HNRNPL: variants seen among roughly 807,000 people sequenced by gnomAD.
The protein encoded by HNRNPL is epididymis secretory sperm binding protein.
In HNRNPL, 12 loss-of-function variants were observed where a neutral mutation model predicts 64.0. The ratio of observed to expected loss-of-function variants is 0.19; its 90% CI spans 0.12 to 0.30. The LOEUF (loss-of-function observed/expected upper bound fraction) is 0.30, where lower values mean the gene tolerates loss of function less well. Ranked by LOEUF, HNRNPL falls within the 10% of genes least tolerant of loss-of-function variation. The pLI is 1.00. For missense variants in HNRNPL, 484 were observed against 797.4 expected, an observed-to-expected ratio of 0.61 and a Z score of 4.73; for synonymous variants, 385 against 313.0, an observed-to-expected ratio of 1.23 and a Z score of -2.43.
intron 1 of HNRNPL, 200 bp downstream of exon 1, chr19:38,849,500 T>C: frequency 1.5e-6 from 1 of 678,562 alleles, no homozygotes; most frequent in Non-Finnish European, 2.1e-6. Context: ...CACACCCCGC[T>C]CCGGACCCCG....
chr19:38,849,506 C>A, intron 1 of HNRNPL, 194 bp downstream of exon 1: 1 of 738,894 alleles, frequency 1.4e-6, no homozygotes, highest in Admixed American at 4.4e-5. Flanking sequence ...CCGCTCCGGA[C>A]CCCGCGCACG....
upstream of HNRNPL, chr19:38,850,281 G>C: frequency 6.4e-6 from 2 of 312,790 alleles, no homozygotes; most frequent in Non-Finnish European, 5.8e-6. Flanking sequence ...GATAGGAACG[G>C]CGCTCTAAAC....
intron 1 of HNRNPL, among the ~76,000 whole-genome samples, chr19:38,847,861 G>A (rs1057042854): frequency 7.2e-5 from 11 of 152,148 alleles, no homozygotes; most frequent in African/African-American, 2.7e-4. Context: ...CCCTTTGCAT[G>A]TGCCCCAAAT....
intron 6 of HNRNPL, among the ~76,000 whole-genome samples, chr19:38,842,590 G>A (rs1972152711): frequency 6.6e-6 from 1 of 152,068 alleles, no homozygotes; most frequent in African/African-American, 2.4e-5. Flanking sequence ...GGGACGTGGT[G>A]GAGGCTGCAT....
rs775388531 is a variant in HNRNPL, at chr19:38,849,829, G to A, written c.138C>T (p.Arg46=). 8.1e-7 allele frequency: 1 copy of A among 1,241,640 alleles called. No homozygotes were observed. The allele number at this position is 1,241,640 out of a possible 1,614,324, so 76.9% of individuals were successfully genotyped here. ...AAAGGGGGGG[R]YYGGGSEGGR... Reference sequence around the variant, plus strand: ...CGCCCTCACTGCCGCCGCCGTAGTAGCGGCCACCGCCGCCTCCGCCGCCCG... The same window carrying A: ...CGCCCTCACTGCCGCCGCCGTAGTAACGGCCACCGCCGCCTCCGCCGCCCG... The change falls in exon 1 of 13, where the codon CGC becomes CGT. Residue 46 remains arginine (R), a synonymous_variant. Transcript: ENST00000221419.
In HNRNPL at chr19:38,849,738, C is replaced by A; in HGVS notation, c.229G>T (p.Gly77Cys). 7.2e-7 allele frequency: 1 copy of A among 1,391,986 alleles called. No individual in the cohort carries two copies. The highest frequency in any genetic ancestry group is 3.2e-5 in the Admixed American group (1 of 31,078). The allele number at this position is 1,391,986 out of a possible 1,614,324, so 86.2% of individuals were successfully genotyped here. A position where few individuals can be genotyped will look rare whatever the true frequency, so the allele number is the denominator to read the frequency against. Residue 77 changes from glycine to cysteine, a missense_variant, in exon 1 of 13, where the codon GGT becomes TGT. Coordinates refer to ENST00000221419, the MANE Select transcript of HNRNPL (RefSeq NM_001533.3). The part of the protein sequence containing the change: ...GDQHGGGGGG[G>C]GGAGAAGGGG... Reference sequence around the variant, plus strand: ...CCGCCCGCCGCCCCGGCTCCTCCACCGCCACCGCCGCCGCCTCCGTGCTGG... The same window carrying A: ...CCGCCCGCCGCCCCGGCTCCTCCACAGCCACCGCCGCCGCCTCCGTGCTGG...
At chr19:38,839,704 G>A in intron 8 of HNRNPL, 1 of 210,008 alleles carries the variant, frequency 4.8e-6, no homozygotes, top group Non-Finnish European at 9.7e-6. Flanking sequence ...TAGACACTCA[G>A]CCACCGCTAG....
Position 38,838,755 on chromosome 19 carries a change from C to T in HNRNPL, c.1355+139G>A, listed in dbSNP as rs78196084. The T allele has an allele frequency of 1.6e-5, 21 of 1,342,170 alleles. No individual in the cohort carries two copies. The East Asian group carries it at 4.8e-4, about 31-fold the overall frequency. The allele number at this position is 1,342,170 out of a possible 1,614,324, so 83.1% of individuals were successfully genotyped here. On this transcript the variant is annotated intron_variant, in intron 9 of 12. Coordinates refer to ENST00000221419, the MANE Select transcript of HNRNPL (RefSeq NM_001533.3). ...TCACTTTCTCCTGTGGTGTCAGAGA[C>T]ACGTCTGGGAACACACCTGCCACAT...
intron 6 of HNRNPL, chr19:38,841,711 T>A: frequency 9.2e-7 from 1 of 1,091,896 alleles, no homozygotes; most frequent in Non-Finnish European, 1.2e-6. Context: ...CAGTCATAAA[T>A]ACAAGTCACG....
At position 38,836,715 on chromosome 19, in the gene HNRNPL, C is replaced by T; in HGVS notation, c.*7G>A. The T allele has an allele frequency of 5.0e-6, 8 of 1,600,802 alleles. No individual in the cohort carries two copies. The highest frequency in any genetic ancestry group is 2.2e-5 in the East Asian group (1 of 44,650). ...CTGCTCAGATGGGACTCTTCCTAGG[C>T]ACCTAATTAGGAGGCGTGCTGAGCA... On this transcript the variant is annotated 3_prime_UTR_variant, in exon 13 of 13. Coordinates refer to ENST00000221419, the MANE Select transcript of HNRNPL (RefSeq NM_001533.3).
chr19:38,850,203 C>A (rs907751161), upstream of HNRNPL: 4 of 408,954 alleles, frequency 9.8e-6, no homozygotes, highest in Non-Finnish European at 1.7e-5. Flanking sequence ...GTCGACCCCG[C>A]CGCCTTAAAA....
In HNRNPL at chr19:38,836,733, G is replaced by A. The variant is rs771940012; in HGVS notation, c.1759C>T (p.His587Tyr). Residue 587 changes from histidine to tyrosine, a missense_variant, in exon 13 of 13, where the codon CAC (histidine) becomes TAC (tyrosine). Physicochemically the swap from His to Tyr is moderately conservative, Grantham distance 83. Around this residue, in one of 9 missense-constraint regions of HNRNPL, gnomAD observed 69 missense variants for 91.8 expected, o/e 0.75. Transcript: ENST00000221419. ...TLKLCFSTAQ[H>Y]AS ...TCCTAGGCACCTAATTAGGAGGCGTGCTGAGCAGTGGAGAAACACAACTTC... is the reference window on the plus strand; with the variant it reads ...TCCTAGGCACCTAATTAGGAGGCGTACTGAGCAGTGGAGAAACACAACTTC... The A allele has an allele frequency of 4.3e-6, 7 of 1,611,450 alleles. No individual in the cohort carries two copies. Among genetic ancestry groups the A allele is most frequent in the East Asian group, 2.2e-5 (1 of 44,828 alleles).
chr19:38,841,322 GTTCTGATAT>G (rs1354792854), intron 6 of HNRNPL: 1 of 344,922 alleles, frequency 2.9e-6, no homozygotes, highest in African/African-American at 2.1e-5. Flanking sequence ...TATGAGGTAG[GTTCTGATAT>G]TTCAGCCCCA....
In HNRNPL at chr19:38,840,343, T is replaced by C. The variant is rs1048048182; in HGVS notation, c.986A>G (p.His329Arg). The change falls in exon 8 of 13, where the codon CAT (histidine) becomes CGT (arginine). Residue 329 changes from histidine to arginine, a missense_variant. His to Arg is a conservative substitution (Grantham distance 29). Around this residue, in one of 9 missense-constraint regions of HNRNPL, gnomAD observed 46 missense variants for 37.4 expected, o/e 1.23. Transcript: ENST00000221419. ...TGGGGGGGGCCCGTAGCCCTCATCA[T>C]GGTAATGGCTGTGGTACCCACCGTG... ...GPHGGYHSHY[H>R]DEGYGPPPPH... The C allele has an allele frequency of 5.8e-6, 9 of 1,548,556 alleles. No homozygotes were observed. Among genetic ancestry groups the C allele is most frequent in the Middle Eastern group, 3.9e-4 (2 of 5,082 alleles).
intron 10 of HNRNPL, among the ~76,000 whole-genome samples, chr19:38,838,011 T>G (rs1971987267): frequency 6.6e-6 from 1 of 152,246 alleles, no homozygotes; most frequent in African/African-American, 2.4e-5. Context: ...TCCCCCTGAC[T>G]GAGCTTTACA....
In HNRNPL at chr19:38,838,781, C is replaced by T. The variant is rs1421536485; in HGVS notation, c.1355+113G>A. 6 of 1,451,268 alleles carry T rather than the reference C, an allele frequency of 4.1e-6. No homozygotes were observed. In the African/African-American group the frequency reaches 5.6e-5, roughly 13 times the overall value. 89.9% of individuals were successfully genotyped at this position (1,451,268 alleles called of 1,614,324 possible). On this transcript the variant is annotated intron_variant, in intron 9 of 12. Transcript: ENST00000221419. The stretch of plus-strand genomic sequence containing the variant: ...ACGTCTGGGAACACACCTGCCACAT[C>T]CCATTTCTGTGTGAGTCAACACCTC...
chr19:38,849,611 G>A (rs994983698), intron 1 of HNRNPL, 89 bp downstream of exon 1: 3 of 1,285,744 alleles, frequency 2.3e-6, no homozygotes, highest in African/African-American at 1.5e-5. Flanking sequence ...CGCGTGCGCA[G>A]AGGCCCCCCT....
At chr19:38,844,257 T>A (rs1259822327) in intron 4 of HNRNPL, among the ~76,000 whole-genome samples, 153 bp from the exon 5 acceptor site, 1 of 152,152 alleles carries the variant, frequency 6.6e-6, no homozygotes, top group Non-Finnish European at 1.5e-5. Context: ...AGCCTCAGGT[T>A]AAGAGACCAA....
At chr19:38,840,881 G>A in intron 6 of HNRNPL, 1 of 371,222 alleles carries the variant, frequency 2.7e-6, no homozygotes, top group Non-Finnish European at 4.8e-6. Flanking sequence ...ATGTGCAGCT[G>A]CTACAGAAGC....
Sources: allele counts gnomAD v4.1 joint callset (sites outside exome capture counted in the v4.1 genomes callset), GRCh38; gene constraint gnomAD v4.1.1; regional missense constraint gnomAD v4.1.1; transcripts MANE v1.5; gene names NCBI Gene and HGNC (gene_info 2026-07-23, HGNC 2026-07-21).